Variants in FARS2 observed in about 807,000 individuals in gnomAD.
The protein encoded by FARS2 is phenylalanyl-tRNA synthetase 2, mitochondrial, also known as phenylalanine--tRNA ligase, mitochondrial.
FARS2 carries 40 observed loss-of-function variants against 46.4 expected under a neutral mutation model. The ratio of observed to expected loss-of-function variants is 0.86; its 90% CI spans 0.67 to 1.12. The LOEUF is 1.12. FARS2 is among the 50% of genes most tolerant of loss of function. The pLI, the probability that FARS2 is intolerant of heterozygous loss-of-function variation, is 0.00. For missense variants in FARS2, 513 were observed against 567.9 expected (o/e 0.90, Z 0.98); for synonymous variants, 234 against 214.9 (o/e 1.09, Z -0.78).
At chr6:5,410,895 C>A (rs1283081871) in intron 3 of FARS2, among the ~76,000 whole-genome samples, 1 of 152,102 alleles carries the variant, frequency 6.6e-6, no homozygotes, top group African/African-American at 2.4e-5. Context: ...ATGGGTGTTA[C>A]AATCTCCGTT....
At chr6:5,617,480 G>GC (rs1274040200) in intron 6 of FARS2, among the ~76,000 whole-genome samples, 1 of 152,190 alleles carries the variant, frequency 6.6e-6, no homozygotes, top group East Asian at 1.9e-4. Flanking sequence ...AATTCCCCCT[G>GC]CCCCCGTCCT....
At chr6:5,641,078 A>C (rs1264254693) in intron 6 of FARS2, among the ~76,000 whole-genome samples, 1 of 152,118 alleles carries the variant, frequency 6.6e-6, no homozygotes, top group African/African-American at 2.4e-5. Flanking sequence ...GGGGAAGAGG[A>C]GTACTGTGAG....
chr6:5,681,974 G>C (rs1779055146), intron 6 of FARS2, among the ~76,000 whole-genome samples: 1 of 152,216 alleles, frequency 6.6e-6, no homozygotes, highest in Non-Finnish European at 1.5e-5. Context: ...AGGCTGCTGG[G>C]TGACAGACCA....
At chr6:5,361,330 G>A (rs137891379) in intron 1 of FARS2, among the ~76,000 whole-genome samples, 137 of 152,222 alleles carry the variant, frequency 9.0e-4, no homozygotes, top group African/African-American at 3.1e-3. Context: ...TTTATGTGGT[G>A]TATAATTTTT....
chr6:5,736,454 G>A (rs578131975), intron 6 of FARS2, among the ~76,000 whole-genome samples: 4 of 151,654 alleles, frequency 2.6e-5, no homozygotes, highest in African/African-American at 9.8e-5. Flanking sequence ...TGTCTCTGGA[G>A]AGCTGAGAGA....
At chr6:5,588,945 A>G (rs937093865) in intron 5 of FARS2, among the ~76,000 whole-genome samples, 9 of 152,202 alleles carry the variant, frequency 5.9e-5, no homozygotes, top group African/African-American at 1.7e-4. Flanking sequence ...CGAGGAATTA[A>G]TACTGTATGA....
chr6:5,474,590 G>A (rs2150328071), intron 4 of FARS2, among the ~76,000 whole-genome samples: 1 of 151,452 alleles, frequency 6.6e-6, no homozygotes, highest in Non-Finnish European at 1.5e-5. Context: ...GTAGGCAATT[G>A]TAATGTGACG....
chr6:5,432,800 A>G (rs1274994778), intron 4 of FARS2, among the ~76,000 whole-genome samples: 1 of 152,076 alleles, frequency 6.6e-6, no homozygotes, highest in East Asian at 1.9e-4. Flanking sequence ...GACCATGGGT[A>G]AGGATATGAT....
intron 6 of FARS2, among the ~76,000 whole-genome samples, chr6:5,747,896 A>G (rs181008256): frequency 9.4e-4 from 143 of 152,322 alleles, no homozygotes; most frequent in African/African-American, 3.0e-3. Flanking sequence ...CAATTCAGAG[A>G]TCAACTGATC....
At chr6:5,313,425 T>A (rs1359645841) in intron 1 of FARS2, among the ~76,000 whole-genome samples, 1 of 152,210 alleles carries the variant, frequency 6.6e-6, no homozygotes, top group African/African-American at 2.4e-5. Context: ...TCCTTATCAT[T>A]TTAGCTGATT....
chr6:5,512,317 A>G (rs911883060), intron 4 of FARS2, among the ~76,000 whole-genome samples: 1 of 152,148 alleles, frequency 6.6e-6, no homozygotes, highest in African/African-American at 2.4e-5. Flanking sequence ...TGCTCTTTCC[A>G]TTACCTGGTG....
rs1382952112 is a variant in FARS2 at position 5,617,211 on chromosome 6, TG to T, written c.1217+3892del. 3.9e-5 allele frequency among the ~76,000 whole-genome samples: 6 copies of T among 152,364 alleles called. No individual in the cohort carries two copies. The East Asian group carries it at 1.2e-3, about 29-fold the overall frequency. ...CAGGTATACACACACAACCCCATAC[TG>T]ACCTGCTAAAAGGTGAACTTATTCA... On this transcript the variant is annotated intron_variant, in intron 6 of 6. Transcript: ENST00000274680.
At chr6:5,575,812 C>T (rs1353073963) in intron 5 of FARS2, among the ~76,000 whole-genome samples, 2 of 152,204 alleles carry the variant, frequency 1.3e-5, no homozygotes, top group Non-Finnish European at 2.9e-5. Flanking sequence ...GCAGAACCTT[C>T]CTCATGACAT....
chr6:5,596,910 A>C (rs1448794343), intron 5 of FARS2, among the ~76,000 whole-genome samples: 1 of 152,226 alleles, frequency 6.6e-6, no homozygotes, highest in Non-Finnish European at 1.5e-5. Flanking sequence ...TAAATCCAGC[A>C]TGTCTCAGAG....
At chr6:5,646,281 T>G (rs926637446) in intron 6 of FARS2, among the ~76,000 whole-genome samples, 2 of 152,242 alleles carry the variant, frequency 1.3e-5, no homozygotes, top group African/African-American at 4.8e-5. Flanking sequence ...ATATCCAGGC[T>G]ATAATATTGC....
intron 2 of FARS2, among the ~76,000 whole-genome samples, chr6:5,384,135 G>C (rs2432754): frequency 0.66 from 100,194 of 152,030 alleles, 33,546 homozygotes; most frequent in African/African-American, 0.77. Context: ...TTGACACATG[G>C]AGATATTTAA....
chr6:5,691,759 T>C (rs960906171), intron 6 of FARS2, among the ~76,000 whole-genome samples: 3 of 152,192 alleles, frequency 2.0e-5, no homozygotes, highest in South Asian at 4.1e-4. Flanking sequence ...TCTGCTGCCT[T>C]TTGTTTGGCT....
chr6:5,313,854 TA>T (rs1769261437), intron 1 of FARS2, among the ~76,000 whole-genome samples: 1 of 147,980 alleles, frequency 6.8e-6, no homozygotes, highest in African/African-American at 2.4e-5. Flanking sequence ...TAAAATAAAA[TA>T]AAATAAAATA....
At chr6:5,508,710 T>C (rs1768251165) in intron 4 of FARS2, among the ~76,000 whole-genome samples, 2 of 152,182 alleles carry the variant, frequency 1.3e-5, no homozygotes, top group South Asian at 4.1e-4. Context: ...TAAGAGCATG[T>C]ATGTTCTTGG....
Sources: gnomAD v4.1 joint callset for allele counts (sites outside exome capture counted in the v4.1 genomes callset) on GRCh38, gnomAD v4.1.1 for gene constraint, MANE v1.5 for transcripts, NCBI Gene and HGNC (gene_info 2026-07-23, HGNC 2026-07-21) for gene names.